Variants in MON2 observed in about 807,000 individuals in gnomAD.
MON2 encodes the protein MON2 regulator of endosome-to-Golgi trafficking.
Under a neutral mutation model 208.6 loss-of-function variants are expected in MON2, and 84 were observed. The observed-to-expected ratio is 0.40, with a 90% CI of 0.34 to 0.48. MON2 has a LOEUF of 0.48. Ranked by LOEUF, MON2 falls within the 20% of genes least tolerant of loss-of-function variation. The pLI, the probability that MON2 is intolerant of heterozygous loss-of-function variation, is 0.59. For synonymous variants in MON2, 660 were observed against 694.0 expected, an observed-to-expected ratio of 0.95 and a Z score of 0.77; for missense variants, 1,611 against 2,015.4, an observed-to-expected ratio of 0.80 and a Z score of 3.84.
intron 1 of MON2, among the ~76,000 whole-genome samples, chr12:62,474,677 G>T (rs2068974174): frequency 6.6e-6 from 1 of 152,182 alleles, no homozygotes; most frequent in Non-Finnish European, 1.5e-5. Context: ...GCCCGCCTCG[G>T]CCTCTCAAAG....
intron 15 of MON2, 54 bp from the exon 16 acceptor site, chr12:62,537,548 T>C: frequency 7.4e-7 from 1 of 1,355,234 alleles, no homozygotes; most frequent in South Asian, 1.3e-5. Context: ...TATAAGCTTT[T>C]AATTTTTAAG....
chr12:62,552,890 T>G lies in MON2; in HGVS notation c.2926T>G (p.Ser976Ala). 1 of 1,612,004 alleles carries G rather than the reference T, an allele frequency of 6.2e-7. No homozygotes were observed. Among genetic ancestry groups the G allele is most frequent in the Middle Eastern group, 1.7e-4 (1 of 6,056 alleles). ...CTACTTTGCTTTTTAGTGGAATATT[T>G]CAGATTATTTTTTCCAAAGAGGGGA... ...LTSIGLLWNI[S>A]DYFFQRGETI... The change falls in exon 24 of 35, where the codon TCA (serine) becomes GCA (alanine). Residue 976 changes from serine to alanine, a missense_variant. Transcript: ENST00000393630.
rs200770164 is a variant in MON2, at chr12:62,592,767, G to C, written c.*18G>C. ...AATCTTGACCGGCTACAATATATTT[G>C]AAAGCAGGAAGATAGTCTAAAAAAT... On this transcript the variant is annotated 3_prime_UTR_variant, in exon 35 of 35. Coordinates refer to ENST00000393630, the MANE Select transcript of MON2 (RefSeq NM_015026.3). 5.2e-6 allele frequency: 8 copies of C among 1,552,004 alleles called. No homozygotes were observed. Among genetic ancestry groups the C allele is most frequent in the Non-Finnish European group, 7.0e-6 (8 of 1,135,754 alleles).
In MON2 at chr12:62,546,800, G is replaced by C. The variant is rs996457817; in HGVS notation, c.2578-97G>C. 24 of 894,342 alleles carry C rather than the reference G, an allele frequency of 2.7e-5. No homozygotes were observed. The African/African-American group carries it at 4.2e-4, about 15-fold the overall frequency. 55.4% of individuals were successfully genotyped at this position (894,342 alleles called of 1,614,324 possible). A position where few individuals can be genotyped will look rare whatever the true frequency, so the allele number is the denominator to read the frequency against. On this transcript the variant is annotated intron_variant, in intron 21 of 34. Transcript: ENST00000393630. ...ATAAAAATATCTATTTCCCATAGTA[G>C]TCTGAATGGCGATGAATTTAAACTT...
At position 62,508,255 on chromosome 12, in the gene MON2, AT is replaced by A. The variant is rs762149035; in HGVS notation, c.790-24del. The A allele has an allele frequency of 3.9e-4, 609 of 1,553,294 alleles. 2 individuals are homozygous for A. Among genetic ancestry groups the A allele is most frequent in the South Asian group, 5.7e-4 (50 of 87,024 alleles). On this transcript the variant is annotated intron_variant, in intron 7 of 34. Transcript: ENST00000393630. ...GTATTAAGTACAAATAAAGTTAATT[AT>A]TTTTTTCTTTCTTTTTTCCTTGCAA... is the stretch of plus-strand genomic sequence containing the variant.
intron 19 of MON2, among the ~76,000 whole-genome samples, chr12:62,541,638 A>G (rs1437874496): frequency 6.6e-6 from 1 of 152,194 alleles, no homozygotes; most frequent in Non-Finnish European, 1.5e-5. Flanking sequence ...ACTTATTGGA[A>G]GAGCTTGGAT....
chr12:62,527,555 A>T (rs768072166), intron 11 of MON2, among the ~76,000 whole-genome samples: 3 of 152,212 alleles, frequency 2.0e-5, no homozygotes, highest in Admixed American at 6.5e-5. Flanking sequence ...TAAAGGAGAC[A>T]TTAATTATCT....
intron 2 of MON2, among the ~76,000 whole-genome samples, chr12:62,488,054 A>T (rs1047077928): frequency 2.6e-5 from 4 of 152,188 alleles, no homozygotes; most frequent in African/African-American, 9.6e-5. Flanking sequence ...ATGTAGGCTA[A>T]TAAATAAATT....
At position 62,532,681 on chromosome 12, in the gene MON2, G is replaced by T; in HGVS notation, c.1633+11G>T. ...TGGATAAGGAAATTGGTATGAGTCT[G>T]TATTTTTAATTTTTATTGGAAATAA... On this transcript the variant is annotated intron_variant, in intron 12 of 34. Transcript: ENST00000393630. 6.4e-7 allele frequency: 1 copy of T among 1,570,948 alleles called. No individual in the cohort carries two copies. Among genetic ancestry groups the T allele is most frequent in the South Asian group, 1.1e-5 (1 of 88,618 alleles).
In MON2 at chr12:62,553,114, T is replaced by A. The variant is rs1184883605; in HGVS notation, c.3150T>A (p.Ser1050=). ...VRKSAGQTLF[S]TIGAHGTLLQ... is the part of the protein sequence containing the mutation. ...AGAGTGCAGGGCAAACTCTGTTTTC[T>A]ACAATTGGTGCGCATGGAACTTTAT... is the stretch of plus-strand genomic sequence containing the variant. The change falls in exon 24 of 35, where the codon TCT becomes TCA. Residue 1050 remains serine, a synonymous_variant. Transcript: ENST00000393630. The A allele has an allele frequency of 3.1e-6, 5 of 1,614,222 alleles. No homozygotes were observed. In the South Asian group the frequency reaches 3.3e-5, roughly 11 times the overall value.
chr12:62,498,696 C>A (rs761639894), intron 4 of MON2, among the ~76,000 whole-genome samples: 4 of 152,056 alleles, frequency 2.6e-5, no homozygotes, highest in South Asian at 2.1e-4. Context: ...TGTTAAAAAA[C>A]CAAATTTTAA....
Position 62,594,765 on chromosome 12 carries a change from G to A in MON2, c.*2016G>A, listed in dbSNP as rs1471996501. The A allele has an allele frequency of 6.6e-6, 1 of 152,206 alleles. No homozygotes were observed. The highest frequency in any genetic ancestry group is 2.4e-5 in the African/African-American group (1 of 41,454). The allele number at this position is 152,206 out of a possible 1,614,324, so 9.4% of individuals were successfully genotyped here. On this transcript the variant is annotated 3_prime_UTR_variant, in exon 35 of 35. Transcript: ENST00000393630. ...TGCTTTATCAGGACCATGCCCTACA[G>A]TTCAAAACATAAACATAGTGAATGT...
At chr12:62,487,427 C>G (rs1016489267) in intron 2 of MON2, among the ~76,000 whole-genome samples, 1 of 151,852 alleles carries the variant, frequency 6.6e-6, no homozygotes, top group Non-Finnish European at 1.5e-5. Flanking sequence ...ATATTTAGCC[C>G]CTACCCCAAA....
intron 21 of MON2, among the ~76,000 whole-genome samples, chr12:62,545,884 G>T (rs528925366): frequency 5.0e-4 from 76 of 151,684 alleles, no homozygotes; most frequent in African/African-American, 1.8e-3. Context: ...AATTTTTTTT[G>T]AAAAAATAAT....
At chr12:62,544,494 C>G (rs1456607002) in intron 20 of MON2, among the ~76,000 whole-genome samples, 10 of 151,928 alleles carry the variant, frequency 6.6e-5, no homozygotes, top group African/African-American at 2.4e-4. Context: ...TGTACATGAG[C>G]TTTCCCCCCA....
chr12:62,520,990 CT>C (rs1049705784), intron 8 of MON2, among the ~76,000 whole-genome samples: 3 of 125,146 alleles, frequency 2.4e-5, no homozygotes, highest in African/African-American at 9.1e-5. Context: ...TATTATGGCT[CT>C]TTTTTAAAAA....
chr12:62,549,491 C>T (rs935224555), intron 22 of MON2, among the ~76,000 whole-genome samples, 177 bp from the exon 23 acceptor site: 25 of 150,690 alleles, frequency 1.7e-4, no homozygotes, highest in African/African-American at 6.1e-4. Context: ...GGGGTGTGCA[C>T]CTGTAGTCCC....
Position 62,596,355 on chromosome 12 carries a change from A to G in MON2, c.*3606A>G, listed in dbSNP as rs935114337. The stretch of plus-strand genomic sequence containing the variant: ...GTGAAGTCTGTCTAGCCAAGGCAGA[A>G]CACTTACAGGAGTCCCTAACTGTGC... On this transcript the variant is annotated 3_prime_UTR_variant, in exon 35 of 35. Transcript: ENST00000393630. 2 of 152,248 alleles carry G rather than the reference A, an allele frequency of 1.3e-5. No homozygotes were observed. The highest frequency in any genetic ancestry group is 2.9e-5 in the Non-Finnish European group (2 of 68,040). The allele number at this position is 152,248 out of a possible 1,614,324, so 9.4% of individuals were successfully genotyped here.
chr12:62,581,667 C>T (rs1176862218), intron 32 of MON2, among the ~76,000 whole-genome samples: 1 of 152,092 alleles, frequency 6.6e-6, no homozygotes, highest in Non-Finnish European at 1.5e-5. Flanking sequence ...GAAACCCTGT[C>T]TCCACTAAAA....
Sources: gnomAD v4.1 joint callset for allele counts (sites outside exome capture counted in the v4.1 genomes callset) on GRCh38, gnomAD v4.1.1 for gene constraint, MANE v1.5 for transcripts, NCBI Gene and HGNC (gene_info 2026-07-23, HGNC 2026-07-21) for gene names.